The following ZNF777 variants were observed in gnomAD, a reference collection of about 807,000 sequenced individuals.
ZNF777 encodes zinc finger protein 777.
Under a neutral mutation model 72.1 loss-of-function variants are expected in ZNF777, and 7 were observed. The ratio of observed to expected loss-of-function variants is 0.10; its 90% CI spans 0.06 to 0.18. ZNF777 has a LOEUF of 0.18. Among genes scored for constraint, ZNF777 ranks in the 10% least tolerant of loss-of-function variants. ZNF777 has a pLI of 1.00. For missense variants in ZNF777, 828 were observed against 1,128.6 expected (o/e 0.73, Z 3.82); for synonymous variants, 545 against 483.5 (o/e 1.13, Z -1.67).
chr7:149,435,006 G>T (rs996836090), intron 5 of ZNF777, among the ~76,000 whole-genome samples: 4 of 151,960 alleles, frequency 2.6e-5, no homozygotes, highest in African/African-American at 9.7e-5. Context: ...CAATTAATGG[G>T]GACTGCTCAA....
intron 1 of ZNF777, among the ~76,000 whole-genome samples, chr7:149,456,702 G>A (rs548506522): frequency 6.6e-6 from 1 of 152,214 alleles, no homozygotes; most frequent in South Asian, 2.1e-4. Context: ...TCCTTCCTTC[G>A]CTTGGTCCAA....
In ZNF777 at chr7:149,432,374, G is replaced by A; in HGVS notation, c.1898C>T (p.Pro633Leu). 1 of 1,612,898 alleles carries A rather than the reference G, an allele frequency of 6.2e-7. No homozygotes were observed. The highest frequency in any genetic ancestry group is 8.5e-7 in the Non-Finnish European group (1 of 1,179,980). ...SPSSGSGGGG[P>L]KPYKCPECDS... ...GCACTCGGGGCACTTGTAGGGCTTA[G>A]GGCCACCGCCGCCGCTACCAGAGCT... The change falls in exon 6 of 6, where the codon CCT becomes CTT. Residue 633 changes from proline (P) to leucine (L), a missense_variant. Physicochemically the swap from Pro to Leu is moderately conservative, Grantham distance 98. Around this residue, in one of 12 missense-constraint regions of ZNF777, gnomAD observed 100 missense variants for 106.2 expected, o/e 0.94. Transcript: ENST00000247930.
intron 4 of ZNF777, among the ~76,000 whole-genome samples, chr7:149,446,424 T>C (rs1442342036): frequency 2.0e-5 from 3 of 152,168 alleles, no homozygotes; most frequent in African/African-American, 7.2e-5. Context: ...ACATGTTCAA[T>C]CTGCCCTGCT....
In ZNF777 at chr7:149,436,597, C is replaced by T; in HGVS notation, c.1317G>A (p.Leu439=). The change falls in exon 5 of 6, where the codon CTG becomes CTA. Residue 439 remains leucine (L), a synonymous_variant. Transcript: ENST00000247930. The surrounding 1 kb of genome is among the most constrained non-coding windows in gnomAD (Gnocchi z 5.0). Reference sequence around the variant, plus strand: ...CACCCGTGCAGTTCCTCTGCTGCACCAGCATCTGCTTCAGTTCGCTGAACT... The same window carrying T: ...CACCCGTGCAGTTCCTCTGCTGCACTAGCATCTGCTTCAGTTCGCTGAACT... ...SSEFSELKQM[L]VQQRNCTEGI... 3.1e-6 allele frequency: 5 copies of T among 1,608,510 alleles called. No homozygotes were observed. The highest frequency in any genetic ancestry group is 3.3e-4 in the Middle Eastern group (2 of 6,044).
At chr7:149,459,713 G>A in intron 1 of ZNF777, 1 of 985,138 alleles carries the variant, frequency 1.0e-6, no homozygotes, top group African/African-American at 1.7e-5. Flanking sequence ...GTGCCTCAGT[G>A]TCTCCGTTCT....
intron 5 of ZNF777, among the ~76,000 whole-genome samples, chr7:149,433,248 C>G (rs35293639): frequency 0.43 from 65,676 of 152,066 alleles, 14,286 homozygotes; most frequent in African/African-American, 0.47. Flanking sequence ...TGATGCGAAA[C>G]TGCTGGTACA....
In ZNF777 at chr7:149,444,230, T is replaced by C. The variant is rs141557846; in HGVS notation, c.1087+6769A>G. Among the ~76,000 whole-genome samples, 1,512 of 152,324 alleles carry C rather than the reference T, an allele frequency of 9.9e-3. 22 individuals carry two copies. Among genetic ancestry groups the C allele is most frequent in the African/African-American group, 0.034 (1,422 of 41,572 alleles). On this transcript the variant is annotated intron_variant, in intron 4 of 5. Transcript: ENST00000247930. Reference sequence around the variant, plus strand: ...ATTCAGTGAGTGCCTCCTACGCCTGTAAACCTTCTTGCTTTCCCTAGATCT... The same window carrying C: ...ATTCAGTGAGTGCCTCCTACGCCTGCAAACCTTCTTGCTTTCCCTAGATCT...
chr7:149,449,707 CTCAACCAAAAGT>C (rs1440710167), intron 4 of ZNF777, among the ~76,000 whole-genome samples: 1 of 152,122 alleles, frequency 6.6e-6, no homozygotes, highest in Admixed American at 6.5e-5. Flanking sequence ...ACTGATTTTC[CTCAACCAAAAGT>C]TCACCCTGCC....
intron 1 of ZNF777, chr7:149,459,562 G>C (rs1398716618): frequency 5.5e-6 from 5 of 908,390 alleles, no homozygotes; most frequent in Non-Finnish European, 6.6e-6. Context: ...CCTCACCCAG[G>C]GGCGGCCGCC....
intron 4 of ZNF777, among the ~76,000 whole-genome samples, chr7:149,448,221 T>G (rs11978172): frequency 0.15 from 23,238 of 151,780 alleles, 2,263 homozygotes; most frequent in East Asian, 0.51. Context: ...ATCCCAACAC[T>G]TTGGGAGGCT....
At chr7:149,438,353 G>A (rs1455141649) in intron 4 of ZNF777, among the ~76,000 whole-genome samples, 1 of 152,182 alleles carries the variant, frequency 6.6e-6, no homozygotes, top group African/African-American at 2.4e-5. Context: ...TATATTCCAT[G>A]GTCAGGATAA....
At chr7:149,441,679 T>C (rs970838492) in intron 4 of ZNF777, among the ~76,000 whole-genome samples, 1 of 152,220 alleles carries the variant, frequency 6.6e-6, no homozygotes, top group Non-Finnish European at 1.5e-5. Flanking sequence ...GGAAATCCTA[T>C]AAGTTGTTTT....
chr7:149,436,495 C>A lies in ZNF777; in HGVS notation c.1339+80G>T. 1 of 1,492,976 alleles carries A rather than the reference C, an allele frequency of 6.7e-7. No homozygotes were observed. The highest frequency in any genetic ancestry group is 8.9e-7 in the Non-Finnish European group (1 of 1,118,706). 92.5% of individuals were successfully genotyped at this position (1,492,976 alleles called of 1,614,324 possible). On this transcript the variant is annotated intron_variant, in intron 5 of 5. Coordinates refer to ENST00000247930, the MANE Select transcript of ZNF777 (RefSeq NM_015694.3). The surrounding 1 kb of genome is among the most constrained non-coding windows in gnomAD (Gnocchi z 5.0). ...GTGTCCAGCTACCTCTCTGAAGGAACCACAGCTTTCCCAGGGGGCAGGGGC... is the reference window on the plus strand; with the variant it reads ...GTGTCCAGCTACCTCTCTGAAGGAAACACAGCTTTCCCAGGGGGCAGGGGC...
Position 149,442,274 on chromosome 7 carries a change from TACAC to T in ZNF777, c.1088-5452_1088-5449del, listed in dbSNP as rs148217571. Among the ~76,000 whole-genome samples the T allele has an allele frequency of 5.4e-3, 744 of 138,538 alleles. 2 individuals carry two copies. The highest frequency in any genetic ancestry group is 0.02 in the South Asian group (87 of 4,280). The allele number at this position is 138,538 out of a possible 152,430, so 90.9% of individuals were successfully genotyped here. A position where few individuals can be genotyped will look rare whatever the true frequency, so the allele number is the denominator to read the frequency against. ...ATACATAAAAGTTAAAAACTGCTATTACACACACACACACACACACACACACACA... is the reference window on the plus strand; with the variant it reads ...ATACATAAAAGTTAAAAACTGCTATTACACACACACACACACACACACACA... On this transcript the variant is annotated intron_variant, in intron 4 of 5. Transcript: ENST00000247930.
At chr7:149,452,368 C>T (rs10254149) in intron 3 of ZNF777, among the ~76,000 whole-genome samples, 85,460 of 151,006 alleles carry the variant, frequency 0.57, 24,346 homozygotes, top group East Asian at 0.8. Flanking sequence ...GTGTGGCTCA[C>T]GCCTGTAATC....
chr7:149,452,040 C>CAT (rs1799726996), intron 3 of ZNF777, among the ~76,000 whole-genome samples: 1 of 146,698 alleles, frequency 6.8e-6, no homozygotes, highest in African/African-American at 2.5e-5. Context: ...CCGAGGCGGG[C>CAT]GGATCACAAG....
At chr7:149,449,473 C>T (rs1425203315) in intron 4 of ZNF777, among the ~76,000 whole-genome samples, 1 of 152,228 alleles carries the variant, frequency 6.6e-6, no homozygotes, top group Non-Finnish European at 1.5e-5. Context: ...GATCCATGCT[C>T]TTGCATCCAG....
rs1341370229 is a variant in ZNF777 at position 149,432,589 on chromosome 7, G to A, written c.1683C>T (p.Leu561=). 5.0e-6 allele frequency: 8 copies of A among 1,613,508 alleles called. No homozygotes were observed. The highest frequency in any genetic ancestry group is 3.3e-4 in the Middle Eastern group (2 of 6,052). Residue 561 remains leucine (L), a synonymous_variant, in exon 6 of 6, where the codon CTC becomes CTT. Coordinates refer to ENST00000247930, the MANE Select transcript of ZNF777 (RefSeq NM_015694.3). ...CGKSFRLKIN[L]IIHQRNHIKE... is the part of the protein sequence containing the mutation. ...TGATGTGGTTGCGCTGGTGGATGATGAGGTTGATCTTCAGGCGGAAGCTCT... is the reference window on the plus strand; with the variant it reads ...TGATGTGGTTGCGCTGGTGGATGATAAGGTTGATCTTCAGGCGGAAGCTCT...
rs1273116478 is a variant in ZNF777, at chr7:149,432,309, G to T, written c.1963C>A (p.Gln655Lys). The change falls in exon 6 of 6, where the codon CAG (glutamine) becomes AAG (lysine). Residue 655 changes from glutamine to lysine, a missense_variant. This residue lies in a region of ZNF777 where 26 missense variants were observed against 62.1 expected (regional missense o/e 0.42). Coordinates refer to ENST00000247930, the MANE Select transcript of ZNF777 (RefSeq NM_015694.3). The part of the protein sequence containing the change: ...FSHKSSLTKH[Q>K]ITHTGERPYT... ...GGCCGCTCACCCGTGTGCGTGATCT[G>T]GTGTTTGGTCAGGCTGGACTTGTGG... The T allele has an allele frequency of 2.5e-6, 4 of 1,609,972 alleles. No individual in the cohort carries two copies. The highest frequency in any genetic ancestry group is 2.2e-5 in the East Asian group (1 of 44,816).
Sources: allele counts gnomAD v4.1 joint callset (sites outside exome capture counted in the v4.1 genomes callset), GRCh38; gene constraint gnomAD v4.1.1; regional missense constraint gnomAD v4.1.1; non-coding constraint Gnocchi (gnomAD v3.1); transcripts MANE v1.5; gene names NCBI Gene and HGNC (gene_info 2026-07-23, HGNC 2026-07-21).